The following LHFPL3 variants were observed in gnomAD, a reference collection of about 807,000 sequenced individuals.
LHFPL3 encodes LHFPL tetraspan subfamily member 3 protein.
In LHFPL3, 5 loss-of-function variants were observed where a neutral mutation model predicts 19.3. The ratio of observed to expected loss-of-function variants is 0.26; its 90% CI spans 0.14 to 0.54. The LOEUF (loss-of-function observed/expected upper bound fraction) is 0.54, where lower values mean the gene tolerates loss of function less well. Among genes scored for constraint, LHFPL3 ranks in the 20% least tolerant of loss-of-function variants. The pLI, the probability that LHFPL3 is intolerant of heterozygous loss-of-function variation, is 0.94. For synonymous variants in LHFPL3, 133 were observed against 126.2 expected (o/e 1.05, Z -0.36); for missense variants, 249 against 307.4 (o/e 0.81, Z 1.42).
chr7:104,835,884 G>A (rs1360503951), intron 2 of LHFPL3, among the ~76,000 whole-genome samples: 5 of 151,790 alleles, frequency 3.3e-5, no homozygotes, highest in Non-Finnish European at 7.4e-5. Context: ...TTTAAGCCCC[G>A]CATGCATTAG....
intron 2 of LHFPL3, among the ~76,000 whole-genome samples, chr7:104,825,538 T>C (rs1427779692): frequency 1.3e-5 from 2 of 151,816 alleles, no homozygotes; most frequent in Admixed American, 1.3e-4. Flanking sequence ...GAGGACTAAA[T>C]GAAAGAATGT....
rs541650547 is a variant in LHFPL3, at chr7:104,337,883, CAT to C, written c.445+8661_445+8662del. On this transcript the variant is annotated intron_variant, in intron 1 of 2. Coordinates refer to ENST00000424859, the MANE Select transcript of LHFPL3 (RefSeq NM_199000.3). ...ATTTTAACCAGTTGACTGGACAAAA[CAT>C]AGTATTGACCACTTGGTATGTTATA... Among the ~76,000 whole-genome samples the C allele has an allele frequency of 9.2e-5, 14 of 152,154 alleles. No homozygotes were observed. The East Asian group carries it at 1.9e-3, about 21-fold the overall frequency.
intron 2 of LHFPL3, among the ~76,000 whole-genome samples, chr7:104,840,474 CTTTTTTTTTTT>C (rs71155530): frequency 5.3e-4 from 35 of 65,540 alleles, no homozygotes; most frequent in African/African-American, 7.6e-4. Context: ...TTTTCTTTTC[CTTTTTTTTTTT>C]TTTTTTTTTT....
intron 1 of LHFPL3, among the ~76,000 whole-genome samples, chr7:104,681,812 T>C (rs1200366275): frequency 2.0e-5 from 3 of 152,132 alleles, no homozygotes; most frequent in African/African-American, 7.2e-5. Flanking sequence ...CCTCCGAACC[T>C]TAAAGGGACA....
intron 2 of LHFPL3, among the ~76,000 whole-genome samples, chr7:104,775,849 T>C (rs1794627858): frequency 1.4e-5 from 1 of 73,506 alleles, no homozygotes; most frequent in Non-Finnish European, 2.9e-5. Flanking sequence ...AGTTCTTTTC[T>C]GTCTTTTTTT....
intron 1 of LHFPL3, among the ~76,000 whole-genome samples, chr7:104,389,842 C>T (rs1365477087): frequency 1.3e-5 from 2 of 152,088 alleles, no homozygotes; most frequent in Non-Finnish European, 1.5e-5. Flanking sequence ...GGCCACCTAC[C>T]TCATACCATA....
At chr7:104,505,411 G>A (rs1793677606) in intron 1 of LHFPL3, among the ~76,000 whole-genome samples, 1 of 152,214 alleles carries the variant, frequency 6.6e-6, no homozygotes, top group Admixed American at 6.5e-5. Flanking sequence ...TCAACCTTGT[G>A]TTCTCCTGTA....
intron 1 of LHFPL3, among the ~76,000 whole-genome samples, chr7:104,354,196 C>T (rs960164164): frequency 6.6e-5 from 10 of 152,188 alleles, no homozygotes; most frequent in Non-Finnish European, 1.5e-4. Flanking sequence ...GAAGCTCCAC[C>T]CACGTGGCTG....
intron 1 of LHFPL3, among the ~76,000 whole-genome samples, chr7:104,639,955 G>T (rs954816867): frequency 2.6e-5 from 4 of 152,136 alleles, no homozygotes; most frequent in African/African-American, 9.7e-5. Context: ...ATTATAAGCA[G>T]AATGATGGCA....
intron 1 of LHFPL3, among the ~76,000 whole-genome samples, chr7:104,348,957 C>T (rs978396862): frequency 7.0e-6 from 1 of 142,852 alleles, no homozygotes; most frequent in African/African-American, 2.8e-5. Context: ...TTATTCTCCT[C>T]GTCCTCCTTC....
chr7:104,423,486 T>C (rs1355554257), intron 1 of LHFPL3, among the ~76,000 whole-genome samples: 1 of 152,142 alleles, frequency 6.6e-6, no homozygotes, highest in Non-Finnish European at 1.5e-5. Flanking sequence ...TGGTGGTGCA[T>C]GCCTACCGTC....
At chr7:104,865,534 A>T (rs948384759) in intron 2 of LHFPL3, among the ~76,000 whole-genome samples, 4 of 152,226 alleles carry the variant, frequency 2.6e-5, no homozygotes, top group African/African-American at 9.6e-5. Flanking sequence ...AAAAAAGAAT[A>T]AAAAGAAATG....
intron 2 of LHFPL3, among the ~76,000 whole-genome samples, chr7:104,853,498 A>T (rs1057443591): frequency 1.3e-5 from 2 of 152,230 alleles, no homozygotes; most frequent in African/African-American, 2.4e-5. Context: ...ACAAAAATGC[A>T]GACTGCGTGA....
At chr7:104,380,505 G>C (rs775951250) in intron 1 of LHFPL3, among the ~76,000 whole-genome samples, 18 of 152,212 alleles carry the variant, frequency 1.2e-4, no homozygotes, top group Middle Eastern at 3.4e-3. Context: ...CAGATTGAAA[G>C]AGTTCACCAC....
Position 104,558,250 on chromosome 7 carries a change from C to T in LHFPL3, c.446-178425C>T, listed in dbSNP as rs1328555514. Among the ~76,000 whole-genome samples the T allele has an allele frequency of 6.5e-4, 98 of 151,536 alleles. 1 individual carries two copies. Among genetic ancestry groups the T allele is most frequent in the African/African-American group, 1.8e-3 (75 of 41,200 alleles). On this transcript the variant is annotated intron_variant, in intron 1 of 2. Transcript: ENST00000424859. ...CCAGTTCTAGATCCCTGAGGAATCG[C>T]CACACTGACTTCCACAATGGTTGAA...
At chr7:104,424,540 A>G (rs1004181781) in intron 1 of LHFPL3, among the ~76,000 whole-genome samples, 2 of 152,212 alleles carry the variant, frequency 1.3e-5, no homozygotes, top group Non-Finnish European at 2.9e-5. Context: ...CCCCCAAACA[A>G]TAAATCCATA....
At chr7:104,696,242 G>A (rs1020310776) in intron 1 of LHFPL3, among the ~76,000 whole-genome samples, 40 of 152,136 alleles carry the variant, frequency 2.6e-4, no homozygotes, top group South Asian at 4.1e-4. Context: ...GAGCCATTGC[G>A]CCCAGCCTGA....
chr7:104,516,997 A>G (rs1035097617), intron 1 of LHFPL3, among the ~76,000 whole-genome samples: 1 of 152,192 alleles, frequency 6.6e-6, no homozygotes, highest in African/African-American at 2.4e-5. Context: ...TTGTGGGAAT[A>G]TGGATGGAGC....
At chr7:104,469,554 T>C (rs1792863673) in intron 1 of LHFPL3, among the ~76,000 whole-genome samples, 1 of 152,208 alleles carries the variant, frequency 6.6e-6, no homozygotes, top group Non-Finnish European at 1.5e-5. Flanking sequence ...TCTTCTCCAG[T>C]GGGTGGCCAC....
Sources: allele counts gnomAD v4.1 joint callset (sites outside exome capture counted in the v4.1 genomes callset), GRCh38; gene constraint gnomAD v4.1.1; transcripts MANE v1.5; gene names NCBI Gene and HGNC (gene_info 2026-07-23, HGNC 2026-07-21).